PIP4K2B: variants seen among roughly 807,000 people sequenced by gnomAD.
PIP4K2B encodes the protein phosphatidylinositol 5-phosphate 4-kinase type-2 beta.
PIP4K2B carries 3 observed loss-of-function variants against 42.0 expected under a neutral mutation model. The observed-to-expected ratio is 0.07, with a 90% confidence interval of 0.03 to 0.18. The LOEUF is 0.18. Among genes scored for constraint, PIP4K2B ranks in the 10% least tolerant of loss-of-function variants. PIP4K2B has a pLI of 1.00. For missense variants in PIP4K2B, 332 were observed against 562.3 expected (o/e 0.59, Z 4.14); for synonymous variants, 204 against 210.1 (o/e 0.97, Z 0.25).
At position 38,783,524 on chromosome 17, in the gene PIP4K2B, C is replaced by G. The variant is rs573159585; in HGVS notation, c.354+719G>C. Among the ~76,000 whole-genome samples, 6 of 152,334 alleles carry G rather than the reference C, an allele frequency of 3.9e-5. No individual in the cohort carries two copies. In the South Asian group the frequency reaches 1.2e-3, roughly 32 times the overall value. On this transcript the variant is annotated intron_variant, in intron 3 of 9. Transcript: ENST00000619039. ...CACTCATACCTGGCAAGAGGTTACA[C>G]TACCCTTGAAGTCTTCCTTTTCTAA...
chr17:38,778,304 C>G, intron 6 of PIP4K2B, 30 bp downstream of exon 6: 1 of 1,611,468 alleles, frequency 6.2e-7, no homozygotes. Flanking sequence ...CTCCAAGCGA[C>G]CCTTCCATTC....
rs765497950 is a variant in PIP4K2B, at chr17:38,770,997, C to T, written c.1066+17G>A. 2.0e-5 allele frequency: 33 copies of T among 1,613,782 alleles called. No homozygotes were observed. Among genetic ancestry groups the T allele is most frequent in the East Asian group, 6.7e-5 (3 of 44,880 alleles). The stretch of plus-strand genomic sequence containing the variant: ...TGAGGGCAGGGCTGTGCAGAGCAGG[C>T]GCAGGCTCTGACTTACTTTCATGGC... On this transcript the variant is annotated intron_variant, in intron 8 of 9. Coordinates refer to ENST00000619039, the MANE Select transcript of PIP4K2B (RefSeq NM_003559.5).
At chr17:38,796,389 T>A (rs936338569) in intron 1 of PIP4K2B, among the ~76,000 whole-genome samples, 11 of 152,178 alleles carry the variant, frequency 7.2e-5, no homozygotes, top group Non-Finnish European at 1.3e-4. Flanking sequence ...GCTTCACACA[T>A]ACCTGGTTCT....
intron 1 of PIP4K2B, among the ~76,000 whole-genome samples, chr17:38,793,305 G>A (rs1910443306): frequency 6.8e-6 from 1 of 147,812 alleles, no homozygotes; most frequent in South Asian, 2.1e-4. Context: ...GTGCAATGCC[G>A]CCATCTTGGC....
intron 1 of PIP4K2B, among the ~76,000 whole-genome samples, chr17:38,790,722 G>C (rs1910300618): frequency 6.6e-6 from 1 of 152,148 alleles, no homozygotes; most frequent in Non-Finnish European, 1.5e-5. Context: ...CTCCCAAAAT[G>C]CTGGGATTAC....
chr17:38,777,883 T>C (rs899668568), intron 6 of PIP4K2B, 83 bp from the exon 7 acceptor site: 1 of 963,222 alleles, frequency 1.0e-6, no homozygotes, highest in Non-Finnish European at 1.7e-6. Context: ...GGAGCAACTA[T>C]ACAGAAAGGG....
chr17:38,778,302 G>C lies in PIP4K2B; in HGVS notation c.693+32C>G, dbSNP rs369048327. On this transcript the variant is annotated intron_variant, in intron 6 of 9. Transcript: ENST00000619039. ...ACAGGAGTTGTTTCTGACTCCAAGC[G>C]ACCCTTCCATTCCTGCTCAGCACCA... 225 of 1,610,004 alleles carry C rather than the reference G, an allele frequency of 1.4e-4. No individual in the cohort carries two copies. In the African/African-American group the frequency reaches 2.6e-3, roughly 19 times the overall value.
At chr17:38,790,208 A>C (rs1910271327) in intron 1 of PIP4K2B, among the ~76,000 whole-genome samples, 1 of 152,236 alleles carries the variant, frequency 6.6e-6, no homozygotes, top group South Asian at 2.1e-4. Flanking sequence ...CAGAAGAGTC[A>C]TGCCAGTTCC....
intron 1 of PIP4K2B, among the ~76,000 whole-genome samples, chr17:38,788,688 C>G (rs1910175033): frequency 6.6e-6 from 1 of 151,422 alleles, no homozygotes; most frequent in Non-Finnish European, 1.5e-5. Context: ...AAGACCCTAT[C>G]TCTAAAAAAA....
intron 1 of PIP4K2B, among the ~76,000 whole-genome samples, chr17:38,790,518 G>A (rs1392531689): frequency 1.3e-5 from 2 of 152,206 alleles, no homozygotes; most frequent in African/African-American, 2.4e-5. Flanking sequence ...GAGTGCAGTG[G>A]CAGAATCTCC....
chr17:38,770,724 C>T (rs979809328), intron 8 of PIP4K2B, among the ~76,000 whole-genome samples, 185 bp from the exon 9 acceptor site: 6 of 152,112 alleles, frequency 3.9e-5, no homozygotes, highest in African/African-American at 1.4e-4. Flanking sequence ...TCTTCACAGT[C>T]ACTCTGTGGG....
chr17:38,797,151 A>G (rs566034281), intron 1 of PIP4K2B, among the ~76,000 whole-genome samples: 14 of 152,254 alleles, frequency 9.2e-5, no homozygotes, highest in Admixed American at 2.0e-4. Context: ...ATGCCTTTCC[A>G]ACTAGCCCCT....
Position 38,769,679 on chromosome 17 carries a change from G to A in PIP4K2B, c.*12C>T. Reference sequence around the variant, plus strand: ...ATCCAGCTCTCTGGCTCTGGCTGAAGGTAGAAGAGAACTACGTCAGGATGT... The same window carrying A: ...ATCCAGCTCTCTGGCTCTGGCTGAAAGTAGAAGAGAACTACGTCAGGATGT... On this transcript the variant is annotated 3_prime_UTR_variant, in exon 10 of 10. Transcript: ENST00000619039. 7.0e-7 allele frequency: 1 copy of A among 1,427,750 alleles called. No individual in the cohort carries two copies. The highest frequency in any genetic ancestry group is 1.1e-5 in the South Asian group (1 of 87,364). The allele number at this position is 1,427,750 out of a possible 1,614,324, so 88.4% of individuals were successfully genotyped here. A position where few individuals can be genotyped will look rare whatever the true frequency, so the allele number is the denominator to read the frequency against.
At chr17:38,793,268 G>A (rs1910439327) in intron 1 of PIP4K2B, among the ~76,000 whole-genome samples, 1 of 143,376 alleles carries the variant, frequency 7.0e-6, no homozygotes, top group Non-Finnish European at 1.5e-5. Context: ...TTTTTGAGAC[G>A]GAGTTTTGCT....
intron 1 of PIP4K2B, among the ~76,000 whole-genome samples, chr17:38,795,819 A>G (rs1323685968): frequency 5.1e-4 from 77 of 151,882 alleles, no homozygotes; most frequent in Non-Finnish European, 1.9e-4. Flanking sequence ...GCTCAACATC[A>G]TTAGTTATCA....
intron 1 of PIP4K2B, among the ~76,000 whole-genome samples, chr17:38,796,791 A>C (rs138789940): frequency 6.6e-4 from 100 of 152,344 alleles, no homozygotes; most frequent in African/African-American, 2.1e-3. Context: ...CTAAATGCCT[A>C]AACAGGTGAG....
At chr17:38,778,116 A>G (rs1909470132) in intron 6 of PIP4K2B, among the ~76,000 whole-genome samples, 1 of 152,240 alleles carries the variant, frequency 6.6e-6, no homozygotes, top group Non-Finnish European at 1.5e-5. Context: ...CAGCAGGACT[A>G]TGAAGAACGT....
chr17:38,778,842 T>C (rs1909518922), intron 5 of PIP4K2B, among the ~76,000 whole-genome samples: 1 of 150,238 alleles, frequency 6.7e-6, no homozygotes, highest in Non-Finnish European at 1.5e-5. Context: ...GGGGAAGGAG[T>C]GGGTGGAGAG....
chr17:38,788,613 T>C (rs1202286720), intron 1 of PIP4K2B, among the ~76,000 whole-genome samples: 2 of 151,858 alleles, frequency 1.3e-5, no homozygotes, highest in African/African-American at 4.8e-5. Context: ...TCCCAGTACT[T>C]TGGAAGGCCA....
Sources: allele counts gnomAD v4.1 joint callset (sites outside exome capture counted in the v4.1 genomes callset), GRCh38; gene constraint gnomAD v4.1.1; transcripts MANE v1.5; gene names NCBI Gene and HGNC (gene_info 2026-07-23, HGNC 2026-07-21).